Variants in NCK1 observed in about 807,000 individuals in gnomAD.
NCK1 encodes NCK adaptor protein 1.
Under a neutral mutation model 36.6 loss-of-function variants are expected in NCK1, and 19 were observed. The observed-to-expected ratio is 0.52, with a 90% CI of 0.36 to 0.76. The LOEUF is 0.76. Among genes scored for constraint, NCK1 ranks in the 30% least tolerant of loss-of-function variants. The probability of loss-of-function intolerance (pLI) is 0.00; values close to 1 mark genes in which losing one functional copy is unlikely to be tolerated. For synonymous variants in NCK1, 165 were observed against 156.0 expected, an observed-to-expected ratio of 1.06 and a Z score of -0.43; for missense variants, 358 against 445.6, an observed-to-expected ratio of 0.80 and a Z score of 1.77.
intron 1 of NCK1, among the ~76,000 whole-genome samples, chr3:136,880,814 G>T (rs538023892): frequency 2.0e-5 from 3 of 152,030 alleles, no homozygotes; most frequent in Admixed American, 6.5e-5. Context: ...TCACTTCTTT[G>T]CCCTGGCTGG....
At chr3:136,930,187 G>C (rs377708301) in intron 2 of NCK1, among the ~76,000 whole-genome samples, 2 of 151,986 alleles carry the variant, frequency 1.3e-5, no homozygotes, top group East Asian at 3.9e-4. Context: ...GATTTGTTTC[G>C]CAATGGTTGT....
chr3:136,878,523 G>A (rs531097184), intron 1 of NCK1, among the ~76,000 whole-genome samples: 32 of 152,288 alleles, frequency 2.1e-4, no homozygotes, highest in Admixed American at 3.9e-4. Context: ...CATAGGACTG[G>A]GAGTAGGGGA....
intron 1 of NCK1, among the ~76,000 whole-genome samples, chr3:136,871,494 A>C (rs1037884256): frequency 6.6e-6 from 1 of 152,238 alleles, no homozygotes; most frequent in African/African-American, 2.4e-5. Context: ...ATATTTGTAG[A>C]TATCTGTGTA....
intron 1 of NCK1, among the ~76,000 whole-genome samples, chr3:136,870,478 C>T (rs9818792): frequency 0.69 from 104,110 of 151,686 alleles, 35,979 homozygotes; most frequent in East Asian, 0.87. Flanking sequence ...CCAGCTGTAT[C>T]GCAGAAATAT....
At chr3:136,924,337 T>A (rs1244054351) in intron 1 of NCK1, among the ~76,000 whole-genome samples, 1 of 152,094 alleles carries the variant, frequency 6.6e-6, no homozygotes, top group Non-Finnish European at 1.5e-5. Context: ...AGGAACACCA[T>A]GAAAATATAC....
intron 2 of NCK1, chr3:136,930,646 A>G: frequency 1.5e-6 from 2 of 1,356,694 alleles, no homozygotes; most frequent in Middle Eastern, 2.1e-4. Context: ...TGTGAATTAG[A>G]TTTTCTGCTT....
intron 1 of NCK1, among the ~76,000 whole-genome samples, chr3:136,876,851 A>G (rs1053998189): frequency 2.0e-5 from 3 of 152,194 alleles, no homozygotes; most frequent in African/African-American, 7.2e-5. Flanking sequence ...CCTGCCTAAG[A>G]TCAATTTCTA....
At chr3:136,902,429 A>G (rs749307022) in intron 1 of NCK1, among the ~76,000 whole-genome samples, 6 of 152,176 alleles carry the variant, frequency 3.9e-5, no homozygotes, top group Non-Finnish European at 8.8e-5. Flanking sequence ...TCCTGAGCTC[A>G]GGCAATCTGC....
chr3:136,912,363 A>C (rs1027196403), intron 1 of NCK1, among the ~76,000 whole-genome samples: 1 of 151,786 alleles, frequency 6.6e-6, no homozygotes, highest in Admixed American at 6.6e-5. Flanking sequence ...GGGTTTCGCC[A>C]CGTTTGGCCA....
chr3:136,923,797 A>G (rs573769299), intron 1 of NCK1, among the ~76,000 whole-genome samples: 1 of 152,348 alleles, frequency 6.6e-6, no homozygotes, highest in East Asian at 1.9e-4. Flanking sequence ...AGAACCATCC[A>G]AATGTTTTAC....
At chr3:136,926,769 T>G (rs1940251850) in intron 1 of NCK1, among the ~76,000 whole-genome samples, 1 of 152,216 alleles carries the variant, frequency 6.6e-6, no homozygotes, top group South Asian at 2.1e-4. Context: ...AAAAGTTATC[T>G]TTTTGTTATG....
At position 136,890,353 on chromosome 3, in the gene NCK1, C is replaced by T. The variant is rs146168699; in HGVS notation, c.-19+28000C>T. 6.7e-3 allele frequency among the ~76,000 whole-genome samples: 1,016 copies of T among 152,288 alleles called. 10 individuals are homozygous for T. Among genetic ancestry groups the T allele is most frequent in the African/African-American group, 0.024 (984 of 41,566 alleles). ...CTCCAGCTGGCCCGCCAGCGTTGCACGCAGCCCCAGTTCCCGCTGGCGCCT... is the reference window on the plus strand; with the variant it reads ...CTCCAGCTGGCCCGCCAGCGTTGCATGCAGCCCCAGTTCCCGCTGGCGCCT... On this transcript the variant is annotated intron_variant, in intron 1 of 3. Transcript: ENST00000481752.
chr3:136,917,843 T>C (rs28370972), intron 1 of NCK1, among the ~76,000 whole-genome samples: 16,415 of 152,156 alleles, frequency 0.11, 1,185 homozygotes, highest in South Asian at 0.18. Context: ...GACAAATACA[T>C]CAGTAAGCTC....
chr3:136,907,999 T>C (rs529317150), intron 1 of NCK1, among the ~76,000 whole-genome samples: 1 of 152,322 alleles, frequency 6.6e-6, no homozygotes, highest in South Asian at 2.1e-4. Flanking sequence ...TTACTCTCTT[T>C]GGGAATATTT....
At chr3:136,912,176 T>G (rs1183124335) in intron 1 of NCK1, among the ~76,000 whole-genome samples, 1 of 133,136 alleles carries the variant, frequency 7.5e-6, no homozygotes, top group Non-Finnish European at 1.7e-5. Flanking sequence ...TTTTTTTTTT[T>G]TTTTGAGACC....
chr3:136,908,625 G>A (rs900092763), intron 1 of NCK1, among the ~76,000 whole-genome samples: 5 of 152,138 alleles, frequency 3.3e-5, no homozygotes, highest in African/African-American at 4.8e-5. Flanking sequence ...TAAAGGAGGT[G>A]AACTGCGACT....
At chr3:136,893,464 T>G (rs1939310057) in intron 1 of NCK1, among the ~76,000 whole-genome samples, 1 of 152,150 alleles carries the variant, frequency 6.6e-6, no homozygotes, top group East Asian at 1.9e-4. Context: ...AATTGTCTAT[T>G]CACGTCCTTA....
intron 1 of NCK1, among the ~76,000 whole-genome samples, chr3:136,910,802 T>A (rs1414441560): frequency 6.6e-6 from 1 of 152,226 alleles, no homozygotes; most frequent in African/African-American, 2.4e-5. Context: ...TAAAATGTAC[T>A]CTTAGTTATT....
intron 1 of NCK1, among the ~76,000 whole-genome samples, chr3:136,887,142 C>T (rs571954084): frequency 2.0e-5 from 3 of 152,252 alleles, no homozygotes; most frequent in South Asian, 4.2e-4. Context: ...CTGCACCCAG[C>T]CCCTATCTTT....
Sources: gnomAD v4.1 joint callset for allele counts (sites outside exome capture counted in the v4.1 genomes callset) on GRCh38, gnomAD v4.1.1 for gene constraint, MANE v1.5 for transcripts, NCBI Gene and HGNC (gene_info 2026-07-23, HGNC 2026-07-21) for gene names.